The following CYFIP1 variants were observed in gnomAD, a reference collection of about 807,000 sequenced individuals.
CYFIP1 encodes cytoplasmic FMR1 interacting protein 1, also known as cytoplasmic FMR1-interacting protein 1.
In CYFIP1, 58 loss-of-function variants were observed where a neutral mutation model predicts 163.5. The observed-to-expected ratio is 0.35, with a 90% confidence interval of 0.29 to 0.44. The LOEUF (loss-of-function observed/expected upper bound fraction) is 0.44, where lower values mean the gene tolerates loss of function less well. Among genes scored for constraint, CYFIP1 ranks in the 20% least tolerant of loss-of-function variants. The pLI, the probability that CYFIP1 is intolerant of heterozygous loss-of-function variation, is 1.00. For synonymous variants in CYFIP1, 663 were observed against 660.7 expected (o/e 1.00, Z -0.05); for missense variants, 1,338 against 1,653.8 (o/e 0.81, Z 3.31).
At chr15:22,954,098 G>C (rs1296629883) in intron 1 of CYFIP1, among the ~76,000 whole-genome samples, 2 of 152,152 alleles carry the variant, frequency 1.3e-5, no homozygotes, top group African/African-American at 2.4e-5. Flanking sequence ...TCGCATTTCT[G>C]TCTCTGCTCC....
At chr15:22,951,024 G>A (rs1243177600) in intron 1 of CYFIP1, among the ~76,000 whole-genome samples, 3 of 152,182 alleles carry the variant, frequency 2.0e-5, no homozygotes, top group African/African-American at 4.8e-5. Flanking sequence ...ATGCAAGTAC[G>A]GAAAAACATA....
chr15:22,924,993 G>A (rs535533492), intron 13 of CYFIP1, among the ~76,000 whole-genome samples: 7 of 152,146 alleles, frequency 4.6e-5, no homozygotes, highest in Non-Finnish European at 1.0e-4. Flanking sequence ...GATTGCTTGA[G>A]TCCAGGAGGC....
intron 1 of CYFIP1, among the ~76,000 whole-genome samples, chr15:22,979,116 T>C (rs1354451417): frequency 6.6e-6 from 1 of 152,164 alleles, no homozygotes; most frequent in Non-Finnish European, 1.5e-5. Context: ...TCGGTCGCAG[T>C]GAGGGCACCG....
At chr15:22,875,890 A>ACATATATATATATATATG (rs1595491064) in intron 26 of CYFIP1, among the ~76,000 whole-genome samples, 2 of 133,024 alleles carry the variant, frequency 1.5e-5, no homozygotes, top group African/African-American at 3.2e-5. Flanking sequence ...AATAACATAT[A>ACATATATATATATATATG]TATATATAAA....
intron 26 of CYFIP1, 83 bp downstream of exon 26, chr15:22,879,830 C>G (rs1357205181): frequency 9.0e-7 from 1 of 1,117,146 alleles, no homozygotes; most frequent in East Asian, 2.6e-5. Context: ...CTAAAGAACC[C>G]GCCAAAGAAA....
chr15:22,900,127 A>T (rs1400522120), intron 22 of CYFIP1, among the ~76,000 whole-genome samples: 1 of 152,206 alleles, frequency 6.6e-6, no homozygotes, highest in Non-Finnish European at 1.5e-5. Flanking sequence ...TGTCTGGCTA[A>T]GACAAGGTCA....
chr15:22,975,681 C>T (rs180849659), intron 1 of CYFIP1, among the ~76,000 whole-genome samples: 23 of 152,250 alleles, frequency 1.5e-4, no homozygotes, highest in African/African-American at 4.8e-4. Context: ...ATGGCTTAAA[C>T]CCAGGAGGCA....
chr15:22,974,929 G>T, intron 1 of CYFIP1, among the ~76,000 whole-genome samples: 1 of 151,206 alleles, frequency 6.6e-6, no homozygotes, highest in African/African-American at 2.4e-5. Context: ...CTCCACTTCT[G>T]CCTTTGCCAC....
intron 8 of CYFIP1, among the ~76,000 whole-genome samples, chr15:22,938,329 C>T (rs1419998676): frequency 6.6e-6 from 1 of 152,184 alleles, no homozygotes. Flanking sequence ...GCTGGCGGGG[C>T]ATGGTGGCTT....
chr15:22,969,310 G>A (rs928496435), intron 1 of CYFIP1, among the ~76,000 whole-genome samples: 10 of 152,130 alleles, frequency 6.6e-5, no homozygotes, highest in Admixed American at 2.0e-4. Context: ...CACAGCCCAC[G>A]GCATGGGCTG....
intron 10 of CYFIP1, among the ~76,000 whole-genome samples, chr15:22,932,667 CCT>C (rs1257245555): frequency 6.6e-6 from 1 of 152,140 alleles, no homozygotes; most frequent in Non-Finnish European, 1.5e-5. Flanking sequence ...GAAAGCCTCC[CCT>C]GAGGCTCAGA....
In CYFIP1 at chr15:22,928,028, C is replaced by A; in HGVS notation, c.1111G>T (p.Val371Leu). 2 of 1,551,628 alleles carry A rather than the reference C, an allele frequency of 1.3e-6. No homozygotes were observed. Among genetic ancestry groups the A allele is most frequent in the Non-Finnish European group, 1.7e-6 (2 of 1,153,732 alleles). The change falls in exon 12 of 31, where the codon GTG (valine) becomes TTG (leucine). Residue 371 changes from valine to leucine, a missense_variant and splice_region_variant. By Grantham distance (32) the Val-to-Leu change is conservative. Transcript: ENST00000617928. ...TCCTGGCGGCCCGAGCCCGTGACCA[C>A]CTGCACAAGGCGGGCACGGCCCCGT... The part of the protein sequence containing the change: ...SELARYSNSE[V>L]VTGSGRQEAQ...
intron 23 of CYFIP1, among the ~76,000 whole-genome samples, chr15:22,891,804 G>C (rs1397754173): frequency 2.0e-5 from 3 of 152,234 alleles, no homozygotes; most frequent in Non-Finnish European, 4.4e-5. Context: ...ATCTCGCTCT[G>C]AAGAACAGAG....
intron 1 of CYFIP1, among the ~76,000 whole-genome samples, chr15:22,950,828 C>T (rs976974997): frequency 1.3e-5 from 2 of 152,206 alleles, no homozygotes; most frequent in Non-Finnish European, 2.9e-5. Flanking sequence ...CAGCAGCGGC[C>T]TAAGGCTGCA....
At position 22,868,438 on chromosome 15, in the gene CYFIP1, A is replaced by G. The variant is rs1232327259; in HGVS notation, c.*1590T>C. The G allele has an allele frequency of 6.6e-6, 1 of 152,076 alleles. No individual in the cohort carries two copies. The highest frequency in any genetic ancestry group is 1.9e-4 in the East Asian group (1 of 5,206). 9.4% of individuals were successfully genotyped at this position (152,076 alleles called of 1,614,324 possible). ...CTAAGGTATTACATATTTGGTATATAATTAAGCCTTATAAAACTTGGTAAT... is the reference window on the plus strand; with the variant it reads ...CTAAGGTATTACATATTTGGTATATGATTAAGCCTTATAAAACTTGGTAAT... On this transcript the variant is annotated 3_prime_UTR_variant, in exon 31 of 31. Transcript: ENST00000617928.
chr15:22,893,515 C>T (rs959064209), intron 22 of CYFIP1, among the ~76,000 whole-genome samples: 4 of 152,260 alleles, frequency 2.6e-5, no homozygotes, highest in South Asian at 4.1e-4. Flanking sequence ...TGGAAGGGTT[C>T]GTTTAAACAC....
intron 6 of CYFIP1, among the ~76,000 whole-genome samples, chr15:22,939,791 A>G (rs1415072501): frequency 6.6e-6 from 1 of 152,038 alleles, no homozygotes; most frequent in Non-Finnish European, 1.5e-5. Context: ...GTCCCTGCAC[A>G]CTGGTCTCTG....
rs1435971574 is a variant in CYFIP1 at position 22,944,595 on chromosome 15, G to C, written c.350C>G (p.Pro117Arg). ...GAAATTCATCAGTTTTGTGACCTCAGGCTCCAGAACCTCCACGGTTTTCTC... is the reference window on the plus strand; with the variant it reads ...GAAATTCATCAGTTTTGTGACCTCACGCTCCAGAACCTCCACGGTTTTCTC... ...IYEKTVEVLE[P>R]EVTKLMNFMY... is the part of the protein sequence containing the mutation. Residue 117 changes from proline (P) to arginine (R), a missense_variant, in exon 5 of 31, where the codon CCT becomes CGT. Pro to Arg is a moderately radical substitution (Grantham distance 103). This residue lies in a region of CYFIP1 where 186 missense variants were observed against 288.3 expected (regional missense o/e 0.65). Coordinates refer to ENST00000617928, the MANE Select transcript of CYFIP1 (RefSeq NM_014608.6). The C allele has an allele frequency of 6.2e-7, 1 of 1,613,568 alleles. No homozygotes were observed.
Position 22,870,136 on chromosome 15 carries a change from G to C in CYFIP1, c.3654C>G (p.Ile1218Met), listed in dbSNP as rs374828274. 1 of 1,612,822 alleles carries C rather than the reference G, an allele frequency of 6.2e-7. No homozygotes were observed. The change falls in exon 31 of 31, where the codon ATC becomes ATG. Residue 1218 changes from isoleucine to methionine, a missense_variant. By Grantham distance (10) the Ile-to-Met change is conservative. This residue lies in a region of CYFIP1 where 306 missense variants were observed against 322.1 expected (regional missense o/e 0.95). Transcript: ENST00000617928. The part of the protein sequence containing the change: ...IRKFQILNDE[I>M]ITILDKYLKS... ...TCAGGTACTTATCCAGGATGGTGAT[G>C]ATCTCATCATTGAGAATCTGGAACT...
Sources: allele counts gnomAD v4.1 joint callset (sites outside exome capture counted in the v4.1 genomes callset), GRCh38; gene constraint gnomAD v4.1.1; regional missense constraint gnomAD v4.1.1; transcripts MANE v1.5; gene names NCBI Gene and HGNC (gene_info 2026-07-23, HGNC 2026-07-21).